The following CNTNAP4 variants were observed in gnomAD, a reference collection of about 807,000 sequenced individuals.
CNTNAP4 encodes contactin-associated protein-like 4.
A neutral mutation model predicts 148.4 loss-of-function variants in CNTNAP4; 98 were observed. The observed-to-expected ratio is 0.66, with a 90% CI of 0.56 to 0.78. CNTNAP4 has a LOEUF of 0.78. Among genes scored for constraint, CNTNAP4 ranks in the 30% least tolerant of loss-of-function variants. The probability of loss-of-function intolerance (pLI) is 0.00; values close to 1 mark genes in which losing one functional copy is unlikely to be tolerated. For synonymous variants in CNTNAP4, 730 were observed against 565.1 expected, an observed-to-expected ratio of 1.29 and a Z score of -4.14; for missense variants, 1,935 against 1,565.6, an observed-to-expected ratio of 1.24 and a Z score of -3.98.
At chr16:76,421,978 T>C (rs866069191) in intron 3 of CNTNAP4, among the ~76,000 whole-genome samples, 2 of 152,312 alleles carry the variant, frequency 1.3e-5, no homozygotes, top group South Asian at 4.1e-4. Context: ...GGCATCTCCC[T>C]TTATACTTCT....
chr16:76,321,774 C>A (rs1473159481), intron 2 of CNTNAP4, among the ~76,000 whole-genome samples: 1 of 124,464 alleles, frequency 8.0e-6, no homozygotes, highest in Non-Finnish European at 1.6e-5. Context: ...GGTGACAGAG[C>A]GTGACTCAGT....
In CNTNAP4 at chr16:76,355,361, G is replaced by C. The variant is rs780177745; in HGVS notation, c.240G>C (p.Trp80Cys). ...WSPLVSNKYQ[W>C]LQIDLGERME... ...CACTTGTGTCTAACAAATACCAGTG[G>C]TTGCAGATTGACCTTGGAGAGAGAA... is the stretch of plus-strand genomic sequence containing the variant. The change falls in exon 3 of 24, where the codon TGG becomes TGC. Residue 80 changes from tryptophan (W) to cysteine (C), a missense_variant. Trp to Cys is a radical substitution (Grantham distance 215). Transcript: ENST00000611870. 1 of 1,602,542 alleles carries C rather than the reference G, an allele frequency of 6.2e-7. No homozygotes were observed. Among genetic ancestry groups the C allele is most frequent in the Non-Finnish European group, 8.5e-7 (1 of 1,174,098 alleles).
chr16:76,294,860 C>T (rs972512363), intron 1 of CNTNAP4, among the ~76,000 whole-genome samples: 1 of 152,134 alleles, frequency 6.6e-6, no homozygotes, highest in African/African-American at 2.4e-5. Context: ...TAAATTCTTG[C>T]TCGCAATTGA....
intron 1 of CNTNAP4, among the ~76,000 whole-genome samples, chr16:76,308,256 C>T (rs1567647497): frequency 1.3e-5 from 2 of 152,060 alleles, no homozygotes; most frequent in Non-Finnish European, 2.9e-5. Context: ...CTTAAAGAAG[C>T]TAAAGAACTG....
chr16:76,499,076 T>C (rs2082524319), intron 15 of CNTNAP4, among the ~76,000 whole-genome samples: 1 of 151,012 alleles, frequency 6.6e-6, no homozygotes, highest in East Asian at 1.9e-4. Flanking sequence ...TTTTTTTTTT[T>C]TTTTTTTTTG....
At chr16:76,436,967 A>G (rs1009666770) in intron 4 of CNTNAP4, among the ~76,000 whole-genome samples, 8 of 149,046 alleles carry the variant, frequency 5.4e-5, no homozygotes, top group Non-Finnish European at 8.8e-5. Context: ...CAGAATATCT[A>G]TCTATCTATC....
intron 10 of CNTNAP4, among the ~76,000 whole-genome samples, chr16:76,471,407 C>A (rs1273712063): frequency 1.3e-5 from 2 of 152,150 alleles, no homozygotes; most frequent in East Asian, 3.9e-4. Context: ...GCTGCAGAGA[C>A]CCCTGACAGG....
chr16:76,503,940 T>G (rs12447929), intron 15 of CNTNAP4, among the ~76,000 whole-genome samples: 3 of 151,884 alleles, frequency 2.0e-5, no homozygotes, highest in African/African-American at 7.2e-5. Flanking sequence ...ATATAACAAA[T>G]TATTAAGAAA....
At chr16:76,424,059 T>G (rs2079287507) in intron 3 of CNTNAP4, among the ~76,000 whole-genome samples, 1 of 152,196 alleles carries the variant, frequency 6.6e-6, no homozygotes, top group South Asian at 2.1e-4. Context: ...GTTTTGAATA[T>G]GACAATGATA....
intron 4 of CNTNAP4, among the ~76,000 whole-genome samples, chr16:76,430,774 T>C (rs9928692): frequency 0.25 from 38,161 of 152,038 alleles, 6,815 homozygotes; most frequent in African/African-American, 0.49. Context: ...CTTCATCTCT[T>C]CTGACATAGA....
At position 76,470,495 on chromosome 16, in the gene CNTNAP4, A is replaced by ATATATATATATATATT. The variant is rs546770074; in HGVS notation, c.1655+2974_1655+2975insTATATATATATATTTA. Among the ~76,000 whole-genome samples, 276 of 133,944 alleles carry ATATATATATATATATT rather than the reference A, an allele frequency of 2.1e-3. 12 individuals carry two copies. In the East Asian group the frequency reaches 0.029, roughly 14 times the overall value. 87.9% of individuals were successfully genotyped at this position (133,944 alleles called of 152,430 possible). On this transcript the variant is annotated intron_variant, in intron 10 of 23. Coordinates refer to ENST00000611870, the MANE Select transcript of CNTNAP4 (RefSeq NM_033401.5). ...GTCTCTACTAATAATATATATATAT[A>ATATATATATATATATT]TAAAATTAGTCGGGCATGGTGGCAC...
intron 3 of CNTNAP4, among the ~76,000 whole-genome samples, chr16:76,424,759 AAAAAACAAAAAC>A (rs10523743): frequency 1.3e-5 from 2 of 150,952 alleles, no homozygotes; most frequent in Admixed American, 1.3e-4. Flanking sequence ...ACTCGGTCTA[AAAAAACAAAAAC>A]AAAAACAAAA....
chr16:76,515,889 C>T (rs2083228019), intron 15 of CNTNAP4, among the ~76,000 whole-genome samples: 1 of 152,100 alleles, frequency 6.6e-6, no homozygotes, highest in African/African-American at 2.4e-5. Flanking sequence ...TGTCAAATAA[C>T]AAAACCACAC....
chr16:76,359,719 A>G (rs1163823982), intron 3 of CNTNAP4, among the ~76,000 whole-genome samples: 1 of 152,234 alleles, frequency 6.6e-6, no homozygotes, highest in Admixed American at 6.5e-5. Context: ...CAAATATTTT[A>G]TGAAAATTCA....
At chr16:76,477,321 C>T (rs1371729518) in intron 11 of CNTNAP4, among the ~76,000 whole-genome samples, 1 of 152,086 alleles carries the variant, frequency 6.6e-6, no homozygotes, top group Non-Finnish European at 1.5e-5. Flanking sequence ...CCCATTTCCC[C>T]CCCATTTTTT....
chr16:76,470,496 T>TATATATATAA (rs1381766837), intron 10 of CNTNAP4, among the ~76,000 whole-genome samples: 1 of 57,074 alleles, frequency 1.8e-5, no homozygotes, highest in Admixed American at 1.7e-4. Flanking sequence ...TATATATATA[T>TATATATATAA]AAAATTAGTC....
intron 2 of CNTNAP4, among the ~76,000 whole-genome samples, chr16:76,341,014 C>T (rs1357174170): frequency 6.6e-6 from 1 of 152,166 alleles, no homozygotes; most frequent in Non-Finnish European, 1.5e-5. Flanking sequence ...ATATTTTTTG[C>T]TCCAACTATT....
chr16:76,283,271 T>C (rs1334400503), intron 1 of CNTNAP4, among the ~76,000 whole-genome samples: 2 of 152,010 alleles, frequency 1.3e-5, no homozygotes, highest in South Asian at 2.1e-4. Context: ...GGCCTTAATA[T>C]TGTTCACTAA....
At chr16:76,546,484 A>C (rs543775335) in intron 21 of CNTNAP4, among the ~76,000 whole-genome samples, 1 of 152,168 alleles carries the variant, frequency 6.6e-6, no homozygotes, top group Non-Finnish European at 1.5e-5. Context: ...TTGTGTGCTC[A>C]TTATGAGAAT....
Sources: gnomAD v4.1 joint callset for allele counts (sites outside exome capture counted in the v4.1 genomes callset) on GRCh38, gnomAD v4.1.1 for gene constraint, MANE v1.5 for transcripts, NCBI Gene and HGNC (gene_info 2026-07-23, HGNC 2026-07-21) for gene names.